TCP1: variants seen among roughly 807,000 people sequenced by gnomAD.
TCP1 encodes the protein t-complex 1.
TCP1 carries 6 observed loss-of-function variants against 54.7 expected under a neutral mutation model. The ratio of observed to expected loss-of-function variants is 0.11; its 90% CI spans 0.06 to 0.22. The LOEUF (loss-of-function observed/expected upper bound fraction) is 0.22. TCP1 is among the 10% of genes least tolerant of loss of function. TCP1 has a pLI of 1.00. For synonymous variants in TCP1, 225 were observed against 229.7 expected (o/e 0.98, Z 0.19); for missense variants, 511 against 678.2 (o/e 0.75, Z 2.74).
At chr6:159,788,348 G>C (rs973196598) in intron 1 of TCP1, 5 of 508,090 alleles carry the variant, frequency 9.8e-6, no homozygotes, top group East Asian at 3.4e-5. Context: ...CCAACACTGC[G>C]AGGCCGAGGC....
chr6:159,789,047 T>G, intron 1 of TCP1: 1 of 267,578 alleles, frequency 3.7e-6, no homozygotes. Context: ...GCGTTTAACA[T>G]GGACACTCAG....
intron 7 of TCP1, among the ~76,000 whole-genome samples, chr6:159,781,484 G>A (rs371286884): frequency 2.0e-5 from 3 of 152,294 alleles, no homozygotes; most frequent in South Asian, 4.2e-4. Context: ...CAATGAAGAT[G>A]AGTCCAGGCC....
rs4832 is a variant in TCP1 at position 159,778,994 on chromosome 6, A to C, written c.*51T>G. Reference sequence around the variant, plus strand: ...ACTTTAATGTGTAATACTCAACTCAAGGTACAAGACAATTGCATTTAACAT... The same window carrying C: ...ACTTTAATGTGTAATACTCAACTCACGGTACAAGACAATTGCATTTAACAT... On this transcript the variant is annotated 3_prime_UTR_variant, in exon 12 of 12. Coordinates refer to ENST00000321394, the MANE Select transcript of TCP1 (RefSeq NM_030752.3). The C allele has an allele frequency of 0.2, 316,674 of 1,581,040 alleles. 33,207 individuals are homozygous for C. The highest frequency in any genetic ancestry group is 0.38 in the East Asian group (17,107 of 44,520).
At chr6:159,784,185 AG>A in intron 6 of TCP1, 118 bp from the exon 7 acceptor site, 1 of 1,306,634 alleles carries the variant, frequency 7.7e-7, no homozygotes. Context: ...ATTTTATCTT[AG>A]AAAAATTTTA....
At chr6:159,780,116 A>G (rs1168430751) in intron 9 of TCP1, 29 bp from the exon 10 acceptor site, 1 of 1,580,812 alleles carries the variant, frequency 6.3e-7, no homozygotes, top group Admixed American at 1.9e-5. Flanking sequence ...CAATTCTTGT[A>G]ATAGCATTTT....
At chr6:159,780,175 T>C (rs761155785) in intron 9 of TCP1, 88 bp from the exon 10 acceptor site, 30 of 1,493,976 alleles carry the variant, frequency 2.0e-5, no homozygotes, top group Admixed American at 5.9e-5. Context: ...AAAAATGGCA[T>C]TTTAATAAAA....
intron 3 of TCP1, among the ~76,000 whole-genome samples, chr6:159,786,890 T>C (rs1245122669): frequency 6.6e-6 from 1 of 152,068 alleles, no homozygotes; most frequent in Non-Finnish European, 1.5e-5. Flanking sequence ...TGTCATATCA[T>C]GATGTATTTA....
intron 6 of TCP1, among the ~76,000 whole-genome samples, chr6:159,784,314 T>A (rs116985541): frequency 0.043 from 6,601 of 151,872 alleles, 235 homozygotes; most frequent in African/African-American, 0.082. Context: ...TTTATTTTTT[T>A]TTTTTTTTGA....
intron 9 of TCP1, 134 bp from the exon 10 acceptor site, chr6:159,780,221 A>C (rs751445389): frequency 8.0e-7 from 1 of 1,251,362 alleles, no homozygotes; most frequent in Non-Finnish European, 1.2e-6. Context: ...TCCTGCCTAC[A>C]CAGGATATTT....
At chr6:159,786,887 T>C (rs549944580) in intron 3 of TCP1, among the ~76,000 whole-genome samples, 14 of 152,216 alleles carry the variant, frequency 9.2e-5, no homozygotes, top group Admixed American at 9.2e-4. Flanking sequence ...CACTGTCATA[T>C]CATGATGTAT....
intron 7 of TCP1, among the ~76,000 whole-genome samples, 173 bp downstream of exon 7, chr6:159,783,768 A>C (rs1780630075): frequency 6.6e-6 from 1 of 152,160 alleles, no homozygotes; most frequent in South Asian, 2.1e-4. Context: ...AGACTCATAC[A>C]ATCAAAATTC....
intron 6 of TCP1, 96 bp from the exon 7 acceptor site, chr6:159,784,163 C>A: frequency 1.4e-6 from 2 of 1,412,110 alleles, no homozygotes; most frequent in South Asian, 1.6e-5. Flanking sequence ...CAAATTTAGA[C>A]TAATTCATTG....
chr6:159,780,681 G>A (rs1780556286), intron 8 of TCP1, 115 bp from the exon 9 acceptor site: 5 of 1,360,122 alleles, frequency 3.7e-6, no homozygotes, highest in African/African-American at 1.5e-5. Context: ...AATTTAGTTA[G>A]GCAGCACACG....
Position 159,785,789 on chromosome 6 carries a change from T to C in TCP1, c.377+111A>G. 4.2e-6 allele frequency: 4 copies of C among 945,962 alleles called. 1 individual carries two copies. Among genetic ancestry groups the C allele is most frequent in the South Asian group, 4.2e-5 (3 of 71,956 alleles). 58.6% of individuals were successfully genotyped at this position (945,962 alleles called of 1,614,324 possible). A position where few individuals can be genotyped will look rare whatever the true frequency, so the allele number is the denominator to read the frequency against. On this transcript the variant is annotated intron_variant, in intron 4 of 11. Coordinates refer to ENST00000321394, the MANE Select transcript of TCP1 (RefSeq NM_030752.3). ...ATATTACTACTTAAATGCTAAAACATTTAAATTGAAGGTTTTCAAATTAAA... is the reference window on the plus strand; with the variant it reads ...ATATTACTACTTAAATGCTAAAACACTTAAATTGAAGGTTTTCAAATTAAA...
Position 159,778,801 on chromosome 6 carries a change from G to C in TCP1, c.*244C>G, listed in dbSNP as rs1452815564. 1 of 1,614,188 alleles carries C rather than the reference G, an allele frequency of 6.2e-7. No individual in the cohort carries two copies. Among genetic ancestry groups the C allele is most frequent in the Admixed American group, 1.7e-5 (1 of 60,016 alleles). On this transcript the variant is annotated 3_prime_UTR_variant, in exon 12 of 12. Transcript: ENST00000321394. ...GCCCTGTGCATTGGGGGTGGGATGG[G>C]AATAGCAATGTGTGTTCAGAGAGAA... is the stretch of plus-strand genomic sequence containing the variant.
intron 11 of TCP1, 115 bp from the exon 12 acceptor site, chr6:159,779,376 G>A: frequency 9.4e-7 from 1 of 1,064,740 alleles, no homozygotes; most frequent in Non-Finnish European, 1.4e-6. Context: ...TAGAGATCTT[G>A]TAGGTAGTCT....
At chr6:159,786,745 C>T (rs1321526058) in intron 3 of TCP1, among the ~76,000 whole-genome samples, 2 of 152,136 alleles carry the variant, frequency 1.3e-5, no homozygotes, top group Non-Finnish European at 2.9e-5. Context: ...ATACATTTTC[C>T]CCACAAACTA....
At position 159,788,585 on chromosome 6, in the gene TCP1, G is replaced by GGA. The variant is rs1554269573; in HGVS notation, c.65-443_65-442insTC. The GGA allele has an allele frequency of 3.8e-3, 568 of 147,556 alleles. 3 individuals carry two copies. Among genetic ancestry groups the GGA allele is most frequent in the African/African-American group, 0.014 (540 of 39,728 alleles). 9.1% of individuals were successfully genotyped at this position (147,556 alleles called of 1,614,324 possible). A position where few individuals can be genotyped will look rare whatever the true frequency, so the allele number is the denominator to read the frequency against. Reference sequence around the variant, plus strand: ...ATGCGGGGTGGAATCTGATGGCGGGGAAAAAAAAAAAAAGTAATAACCACC... The same window carrying GGA: ...ATGCGGGGTGGAATCTGATGGCGGGGGAAAAAAAAAAAAAAGTAATAACCACC... On this transcript the variant is annotated intron_variant, in intron 1 of 11. Transcript: ENST00000321394.
At position 159,789,547 on chromosome 6, in the gene TCP1, C is replaced by T. The variant is rs1583147504; in HGVS notation, c.-79G>A. 3.9e-6 allele frequency: 6 copies of T among 1,547,592 alleles called. No individual in the cohort carries two copies. In the East Asian group the frequency reaches 1.4e-4, roughly 36 times the overall value. ...CGCGGCCCCTCGGCCGACCGGCGAC[C>T]ACAGCAGTGGCTGCGACGGCGTGGA... On this transcript the variant is annotated 5_prime_UTR_variant, in exon 1 of 12. Transcript: ENST00000321394.
Sources: gnomAD v4.1 joint callset for allele counts (sites outside exome capture counted in the v4.1 genomes callset) on GRCh38, gnomAD v4.1.1 for gene constraint, MANE v1.5 for transcripts, NCBI Gene and HGNC (gene_info 2026-07-23, HGNC 2026-07-21) for gene names.